The following SEC24D variants were observed in gnomAD, a reference collection of about 807,000 sequenced individuals.
The protein encoded by SEC24D is protein transport protein Sec24D.
A neutral mutation model predicts 116.9 loss-of-function variants in SEC24D; 69 were observed. That is an observed-to-expected ratio of 0.59 (90% CI 0.49 to 0.72). The LOEUF is 0.72. Ranked by LOEUF, SEC24D falls within the 30% of genes least tolerant of loss-of-function variation. The pLI is 0.00. For missense variants in SEC24D, 1,131 were observed against 1,264.1 expected (o/e 0.89, Z 1.60); for synonymous variants, 405 against 442.8 (o/e 0.91, Z 1.07).
chr4:118,814,339 A>C (rs935809325), intron 6 of SEC24D, among the ~76,000 whole-genome samples: 5 of 152,180 alleles, frequency 3.3e-5, no homozygotes, highest in African/African-American at 1.2e-4. Flanking sequence ...GCATGTCCTC[A>C]GTAGTGTTTG....
intron 3 of SEC24D, among the ~76,000 whole-genome samples, chr4:118,820,306 G>A (rs752721312): frequency 9.3e-5 from 14 of 150,986 alleles, no homozygotes; most frequent in Non-Finnish European, 1.8e-4. Context: ...TCAGCCTTCC[G>A]AGTAGCTGGG....
At chr4:118,757,587 GT>G in intron 11 of SEC24D, 133 bp downstream of exon 11, 1 of 686,936 alleles carries the variant, frequency 1.5e-6, no homozygotes, top group Non-Finnish European at 2.4e-6. Context: ...CAATGATGCT[GT>G]TTGATTTATG....
chr4:118,724,703 T>C (rs932076860), intron 22 of SEC24D, among the ~76,000 whole-genome samples: 2 of 152,124 alleles, frequency 1.3e-5, no homozygotes, highest in African/African-American at 4.8e-5. Flanking sequence ...ATGAACACTT[T>C]GAACCCTTCT....
intron 8 of SEC24D, among the ~76,000 whole-genome samples, chr4:118,795,458 C>T (rs935312226): frequency 2.6e-5 from 4 of 152,070 alleles, no homozygotes; most frequent in Non-Finnish European, 4.4e-5. Context: ...ATTCACCCGC[C>T]TCAGCCTTCC....
intron 8 of SEC24D, among the ~76,000 whole-genome samples, chr4:118,778,820 C>A (rs1478038035): frequency 1.3e-5 from 2 of 152,142 alleles, no homozygotes; most frequent in Non-Finnish European, 2.9e-5. Context: ...TCCTTCACAT[C>A]CCTTGTAAGT....
intron 21 of SEC24D, chr4:118,729,752 G>A (rs1385520348): frequency 1.3e-5 from 2 of 152,192 alleles, no homozygotes; most frequent in Non-Finnish European, 2.9e-5. Flanking sequence ...GCATCACTGT[G>A]AGTTGGCCAG....
Position 118,741,007 on chromosome 4 carries a change from C to T in SEC24D, c.2026G>A (p.Asp676Asn), listed in dbSNP as rs2110441186. 6.3e-7 allele frequency: 1 copy of T among 1,586,732 alleles called. No individual in the cohort carries two copies. Among genetic ancestry groups the T allele is most frequent in the South Asian group, 1.1e-5 (1 of 87,840 alleles). ...MHLDRQQFLN[D>N]LRNDIEKKIG... is the part of the protein sequence containing the mutation. ...TTCTTTTCAATATCATTTCTGAGGT[C>T]GTTCAAAAATTGTTGTCTATCCAAG... is the stretch of plus-strand genomic sequence containing the variant. The change falls in exon 16 of 23, where the codon GAC (aspartate) becomes AAC (asparagine). Residue 676 changes from aspartate to asparagine, a missense_variant. By Grantham distance (23) the Asp-to-Asn change is conservative. Coordinates refer to ENST00000280551, the MANE Select transcript of SEC24D (RefSeq NM_014822.4).
chr4:118,809,050 T>C (rs1250067059), intron 6 of SEC24D, among the ~76,000 whole-genome samples: 1 of 151,576 alleles, frequency 6.6e-6, no homozygotes, highest in Non-Finnish European at 1.5e-5. Context: ...CTTGGCTCCC[T>C]GCAAGCTCTG....
At chr4:118,824,798 G>A (rs757140463) in intron 2 of SEC24D, 49 bp from the exon 3 acceptor site, 1 of 1,495,544 alleles carries the variant, frequency 6.7e-7, no homozygotes, top group Non-Finnish European at 8.9e-7. Context: ...TACAAAGAGA[G>A]ATGAGGCAAA....
chr4:118,821,938 T>C (rs1217612578), intron 3 of SEC24D, among the ~76,000 whole-genome samples: 1 of 152,196 alleles, frequency 6.6e-6, no homozygotes, highest in African/African-American at 2.4e-5. Context: ...ATGCAAGTTG[T>C]AGCAAGTGAA....
chr4:118,764,736 A>C, intron 10 of SEC24D, 66 bp downstream of exon 10: 1 of 923,500 alleles, frequency 1.1e-6, no homozygotes, highest in East Asian at 2.4e-5. Flanking sequence ...AGTTCTTTAC[A>C]TATGAAAGTT....
intron 8 of SEC24D, among the ~76,000 whole-genome samples, chr4:118,783,625 T>C (rs1272262763): frequency 6.6e-6 from 1 of 152,216 alleles, no homozygotes; most frequent in African/African-American, 2.4e-5. Flanking sequence ...AATTATCATA[T>C]CAAATAACAA....
At chr4:118,816,087 CAT>C (rs1491106430) in intron 4 of SEC24D, among the ~76,000 whole-genome samples, 1 of 116,018 alleles carries the variant, frequency 8.6e-6, no homozygotes, top group East Asian at 2.8e-4. Flanking sequence ...ACGCCAAGTT[CAT>C]TTTTTTTTTT....
At chr4:118,783,149 C>G (rs980352413) in intron 8 of SEC24D, among the ~76,000 whole-genome samples, 1 of 152,214 alleles carries the variant, frequency 6.6e-6, no homozygotes, top group Non-Finnish European at 1.5e-5. Context: ...AACCAGGTAC[C>G]TCAGTTGGAA....
chr4:118,723,731 T>C, intron 22 of SEC24D, 76 bp from the exon 23 acceptor site: 1 of 1,512,612 alleles, frequency 6.6e-7, no homozygotes, highest in Non-Finnish European at 8.9e-7. Flanking sequence ...TTTGTCTATT[T>C]CAATTTTGGC....
intron 14 of SEC24D, 51 bp from the exon 15 acceptor site, chr4:118,744,209 T>C (rs761458782): frequency 7.1e-7 from 1 of 1,414,564 alleles, no homozygotes; most frequent in Non-Finnish European, 9.4e-7. Context: ...CAAAATGTTT[T>C]TGGTTTAAAT....
At chr4:118,830,323 G>A (rs1210247778) in intron 2 of SEC24D, among the ~76,000 whole-genome samples, 2 of 152,210 alleles carry the variant, frequency 1.3e-5, no homozygotes, top group Admixed American at 6.5e-5. Context: ...AGCACTTTGC[G>A]AGGCCAAGGC....
In SEC24D at chr4:118,769,278, C is replaced by T. The variant is rs769154358; in HGVS notation, c.1042-967G>A. 3.3e-5 allele frequency among the ~76,000 whole-genome samples: 5 copies of T among 152,118 alleles called. No homozygotes were observed. In the South Asian group the frequency reaches 1.0e-3, roughly 32 times the overall value. ...CAATTGCTTCTTCCTCATAAACATA[C>T]ATAGAAAGCATGATACATCTTTTAC... On this transcript the variant is annotated intron_variant, in intron 8 of 22. Transcript: ENST00000280551.
intron 19 of SEC24D, among the ~76,000 whole-genome samples, chr4:118,736,768 A>G (rs570679425): frequency 6.6e-6 from 1 of 152,348 alleles, no homozygotes; most frequent in African/African-American, 2.4e-5. Flanking sequence ...GTGCTAATGG[A>G]AAAACCTCAT....
Sources: allele counts gnomAD v4.1 joint callset (sites outside exome capture counted in the v4.1 genomes callset), GRCh38; gene constraint gnomAD v4.1.1; transcripts MANE v1.5; gene names NCBI Gene and HGNC (gene_info 2026-07-23, HGNC 2026-07-21).